The following CR2 variants were observed in gnomAD, a reference collection of about 807,000 sequenced individuals.
CR2 encodes the protein complement C3d receptor 2, also known as complement receptor type 2.
CR2 carries 96 observed loss-of-function variants against 123.0 expected under a neutral mutation model. That is an observed-to-expected ratio of 0.78 (90% CI 0.66 to 0.93). CR2 has a LOEUF of 0.93. CR2 is among the 40% of genes least tolerant of loss of function. The pLI, the probability that CR2 is intolerant of heterozygous loss-of-function variation, is 0.00. For synonymous variants in CR2, 484 were observed against 469.5 expected (o/e 1.03, Z -0.40); for missense variants, 1,258 against 1,361.0 (o/e 0.92, Z 1.19).
chr1:207,459,485 A>AC (rs1398480586), intron 1 of CR2, among the ~76,000 whole-genome samples: 14 of 152,136 alleles, frequency 9.2e-5, no homozygotes. Context: ...CTTTCTGACT[A>AC]AAATTTCAGT....
chr1:207,471,764 A>G (rs1022776071), intron 9 of CR2: 1 of 403,980 alleles, frequency 2.5e-6, no homozygotes, highest in Non-Finnish European at 4.7e-6. Flanking sequence ...ATGAGCCACC[A>G]TCTTAATTTT....
At chr1:207,456,781 A>G (rs901362691) in intron 1 of CR2, among the ~76,000 whole-genome samples, 2 of 152,212 alleles carry the variant, frequency 1.3e-5, no homozygotes, top group African/African-American at 2.4e-5. Context: ...CCGTCACATT[A>G]GAATAAAACC....
At position 207,469,681 on chromosome 1, in the gene CR2, T is replaced by C. The variant is rs1327921063; in HGVS notation, c.818-14T>C. On this transcript the variant is annotated splice_polypyrimidine_tract_variant and intron_variant, in intron 5 of 19. Transcript: ENST00000367057. ...CACCTATGATCTTGTCATTTCTTTC[T>C]GCAATTCCCCTAGAAATTTTTTGCC... 1 of 1,612,418 alleles carries C rather than the reference T, an allele frequency of 6.2e-7. No individual in the cohort carries two copies. The highest frequency in any genetic ancestry group is 8.5e-7 in the Non-Finnish European group (1 of 1,178,668).
chr1:207,482,790 A>C (rs1658640781), intron 18 of CR2, among the ~76,000 whole-genome samples: 1 of 152,142 alleles, frequency 6.6e-6, no homozygotes, highest in Admixed American at 6.6e-5. Flanking sequence ...ACAAGAAGAG[A>C]AAGGCATTCC....
intron 1 of CR2, among the ~76,000 whole-genome samples, chr1:207,461,082 C>G (rs1182722498): frequency 6.6e-6 from 1 of 151,924 alleles, no homozygotes; most frequent in Non-Finnish European, 1.5e-5. Context: ...CTTTTTGTCC[C>G]ACAAATTCAC....
At chr1:207,480,448 G>GT (rs375710228) in intron 18 of CR2, among the ~76,000 whole-genome samples, 29,446 of 151,458 alleles carry the variant, frequency 0.19, 2,899 homozygotes, top group Middle Eastern at 0.26. Context: ...ATGTTTTTAT[G>GT]CTTTAAGTCA....
chr1:207,454,666 G>A lies in CR2; in HGVS notation c.58+190G>A, dbSNP rs1657784886. On this transcript the variant is annotated intron_variant, in intron 1 of 19. Transcript: ENST00000367057. The surrounding 1 kb of genome is among the most constrained non-coding windows in gnomAD (Gnocchi z 4.3). ...CCTGATTGTCCCCACTGGCCCCTCCGGGAGCTGGGACCTCCAGAATTGGAG... is the reference window on the plus strand; with the variant it reads ...CCTGATTGTCCCCACTGGCCCCTCCAGGAGCTGGGACCTCCAGAATTGGAG... 2 of 525,982 alleles carry A rather than the reference G, an allele frequency of 3.8e-6. No homozygotes were observed. The highest frequency in any genetic ancestry group is 7.4e-5 in the Admixed American group (2 of 26,882). 32.6% of individuals were successfully genotyped at this position (525,982 alleles called of 1,614,324 possible). A position where few individuals can be genotyped will look rare whatever the true frequency, so the allele number is the denominator to read the frequency against.
chr1:207,455,561 G>C (rs1338934278), intron 1 of CR2, among the ~76,000 whole-genome samples: 1 of 152,174 alleles, frequency 6.6e-6, no homozygotes, highest in African/African-American at 2.4e-5. Context: ...GAGGTGTCTG[G>C]AATACAGCAC....
At chr1:207,464,016 T>A (rs1479693582) in intron 1 of CR2, among the ~76,000 whole-genome samples, 2 of 152,202 alleles carry the variant, frequency 1.3e-5, no homozygotes, top group African/African-American at 4.8e-5. Flanking sequence ...TTCCTTTGTT[T>A]ACTGTCCTTT....
rs561377824 is a variant in CR2 at position 207,472,681 on chromosome 1, A to G, written c.1571-91A>G. On this transcript the variant is annotated intron_variant, in intron 9 of 19. Coordinates refer to ENST00000367057, the MANE Select transcript of CR2 (RefSeq NM_001006658.3). ...ATGTACCCATACCGTCCAGGAAACA[A>G]CAGATTCATAACCAGCTTCATTTGG... is the stretch of plus-strand genomic sequence containing the variant. 16 of 1,366,104 alleles carry G rather than the reference A, an allele frequency of 1.2e-5. No homozygotes were observed. In the Admixed American group the frequency reaches 1.7e-4, roughly 15 times the overall value. 84.6% of individuals were successfully genotyped at this position (1,366,104 alleles called of 1,614,324 possible).
At position 207,478,014 on chromosome 1, in the gene CR2, A is replaced by G. The variant is rs201641677; in HGVS notation, c.3032A>G (p.Gln1011Arg). The change falls in exon 16 of 20, where the codon CAG (glutamine) becomes CGG (arginine). Residue 1011 changes from glutamine (Q) to arginine (R), a missense_variant. By Grantham distance (43) the Gln-to-Arg change is conservative (BLOSUM62 1). Transcript: ENST00000367057. ...EDGYMLEGSP[Q>R]SQCQSDHQWN... ...GGGTATATGCTGGAAGGCAGTCCCC[A>G]GAGCCAGTGCCAATCGGATCACCAA... 11 of 1,614,080 alleles carry G rather than the reference A, an allele frequency of 6.8e-6. No individual in the cohort carries two copies. Among genetic ancestry groups the G allele is most frequent in the African/African-American group, 1.3e-5 (1 of 75,064 alleles).
chr1:207,466,015 T>A (rs979493831), intron 1 of CR2, among the ~76,000 whole-genome samples: 8 of 152,246 alleles, frequency 5.3e-5, no homozygotes, highest in Non-Finnish European at 1.2e-4. Context: ...TCTGTTCATG[T>A]ACTTTTAGCA....
At chr1:207,464,941 G>GT (rs1202434671) in intron 1 of CR2, among the ~76,000 whole-genome samples, 4 of 152,088 alleles carry the variant, frequency 2.6e-5, no homozygotes, top group South Asian at 2.1e-4. Flanking sequence ...TTCTGTTTTT[G>GT]TTTTTTTGAG....
At chr1:207,460,373 C>T (rs920924268) in intron 1 of CR2, among the ~76,000 whole-genome samples, 3 of 152,140 alleles carry the variant, frequency 2.0e-5, no homozygotes, top group African/African-American at 4.8e-5. Flanking sequence ...TTTGTGACTT[C>T]TCCAGTAGTA....
chr1:207,471,744 C>T lies in CR2; in HGVS notation c.1570+245C>T, dbSNP rs12029729. On this transcript the variant is annotated intron_variant, in intron 9 of 19. Coordinates refer to ENST00000367057, the MANE Select transcript of CR2 (RefSeq NM_001006658.3). ...TTTACGATTATGGGAATAATGACAG[C>T]GGTGAGTATATGAGCCACCATCTTA... The T allele has an allele frequency of 7.1e-3, 3,091 of 436,076 alleles. 58 individuals are homozygous for T. The highest frequency in any genetic ancestry group is 0.052 in the Admixed American group (1,569 of 30,452). The allele number at this position is 436,076 out of a possible 1,614,324, so 27.0% of individuals were successfully genotyped here. A position where few individuals can be genotyped will look rare whatever the true frequency, so the allele number is the denominator to read the frequency against.
chr1:207,470,897 C>T lies in CR2; in HGVS notation c.1383C>T (p.Pro461=). 1.2e-6 allele frequency: 2 copies of T among 1,613,778 alleles called. No individual in the cohort carries two copies. The highest frequency in any genetic ancestry group is 1.7e-6 in the Non-Finnish European group (2 of 1,179,838). Residue 461 remains proline, a synonymous_variant, in exon 7 of 20, where the codon CCC becomes CCT. Transcript: ENST00000367057. Reference sequence around the variant, plus strand: ...GTACCTCTGAGGGGGTGTGGACACCCCCTGTACCCCAATGCAAAGGTGCCA... The same window carrying T: ...GTACCTCTGAGGGGGTGTGGACACCTCCTGTACCCCAATGCAAAGGTGCCA... ...IQCTSEGVWT[P]PVPQCKVAAC...
intron 1 of CR2, among the ~76,000 whole-genome samples, chr1:207,457,848 T>C (rs1481206719): frequency 1.3e-5 from 2 of 152,112 alleles, no homozygotes; most frequent in East Asian, 3.9e-4. Flanking sequence ...TCTTTCTTCA[T>C]TTCTTCTTCC....
At chr1:207,475,864 G>T (rs900923993) in intron 14 of CR2, among the ~76,000 whole-genome samples, 1 of 152,192 alleles carries the variant, frequency 6.6e-6, no homozygotes, top group Admixed American at 6.5e-5. Flanking sequence ...AAGGACAGGG[G>T]CTCTCTGACT....
Position 207,477,911 on chromosome 1 carries a change from A to G in CR2, c.2929A>G (p.Met977Val). 2 of 1,614,072 alleles carry G rather than the reference A, an allele frequency of 1.2e-6. No individual in the cohort carries two copies. The highest frequency in any genetic ancestry group is 8.5e-7 in the Non-Finnish European group (1 of 1,179,954). Reference sequence around the variant, plus strand: ...GGTAAACTGTAGCTCACCAGCAGATATGGATGGAATCCAGAAAGGGCTGGA... The same window carrying G: ...GGTAAACTGTAGCTCACCAGCAGATGTGGATGGAATCCAGAAAGGGCTGGA... ...KEVNCSSPADMDGIQKGLEPR... is the reference protein window; with the variant it reads ...KEVNCSSPADVDGIQKGLEPR... Residue 977 changes from methionine (M) to valine (V), a missense_variant, in exon 16 of 20, where the codon ATG becomes GTG. Met to Val is a conservative substitution (Grantham distance 21, BLOSUM62 1). Transcript: ENST00000367057.
Sources: gnomAD v4.1 joint callset for allele counts (sites outside exome capture counted in the v4.1 genomes callset) on GRCh38, gnomAD v4.1.1 for gene constraint, Gnocchi (gnomAD v3.1) non-coding constraint, MANE v1.5 for transcripts, NCBI Gene and HGNC (gene_info 2026-07-23, HGNC 2026-07-21) for gene names.